The following SPIDR variants were observed in gnomAD, a reference collection of about 807,000 sequenced individuals.
SPIDR encodes scaffold protein involved in DNA repair.
SPIDR carries 93 observed loss-of-function variants against 104.6 expected under a neutral mutation model. The observed-to-expected ratio is 0.89, with a 90% CI of 0.75 to 1.06. The LOEUF is 1.06. Among genes scored for constraint, SPIDR ranks in the 50% least tolerant of loss-of-function variants. The probability of loss-of-function intolerance (pLI) is 0.00; values close to 1 mark genes in which losing one functional copy is unlikely to be tolerated. For missense variants in SPIDR, 1,154 were observed against 1,111.2 expected (o/e 1.04, Z -0.55); for synonymous variants, 431 against 416.9 (o/e 1.03, Z -0.41).
intron 8 of SPIDR, among the ~76,000 whole-genome samples, chr8:47,466,914 TAG>T (rs1328476341): frequency 0.13 from 15,069 of 115,692 alleles, 1,235 homozygotes; most frequent in South Asian, 0.21. Context: ...TATATATATA[TAG>T]ATAGATAGAT....
intron 11 of SPIDR, 32 bp from the exon 12 acceptor site, chr8:47,700,371 A>C (rs1401160602): frequency 2.5e-6 from 4 of 1,611,224 alleles, no homozygotes; most frequent in Non-Finnish European, 3.4e-6. Flanking sequence ...GGGATGTCTG[A>C]TGATGAATAC....
At chr8:47,726,391 T>G (rs1365499658) in intron 16 of SPIDR, among the ~76,000 whole-genome samples, 1 of 152,262 alleles carries the variant, frequency 6.6e-6, no homozygotes, top group East Asian at 1.9e-4. Context: ...TCTATTTTTC[T>G]AGAAACTCAG....
intron 8 of SPIDR, among the ~76,000 whole-genome samples, chr8:47,539,001 C>CA (rs2087540454): frequency 6.6e-6 from 1 of 151,488 alleles, no homozygotes; most frequent in Non-Finnish European, 1.5e-5. Flanking sequence ...GCTGGGATTA[C>CA]AGGCACCTGC....
At chr8:47,319,986 G>C (rs1311410995) in intron 5 of SPIDR, among the ~76,000 whole-genome samples, 1 of 150,642 alleles carries the variant, frequency 6.6e-6, no homozygotes, top group Non-Finnish European at 1.5e-5. Flanking sequence ...ATGCCCACAA[G>C]AGAAAGCAGG....
At chr8:47,617,762 A>G (rs2064535197) in intron 10 of SPIDR, among the ~76,000 whole-genome samples, 1 of 152,178 alleles carries the variant, frequency 6.6e-6, no homozygotes, top group Non-Finnish European at 1.5e-5. Flanking sequence ...AATAAAAGCC[A>G]CCTCCATAAT....
At chr8:47,342,980 G>C (rs1192330458) in intron 5 of SPIDR, among the ~76,000 whole-genome samples, 1 of 152,148 alleles carries the variant, frequency 6.6e-6, no homozygotes, top group Non-Finnish European at 1.5e-5. Context: ...TCATTATCTA[G>C]CTGTTCTAAC....
intron 1 of SPIDR, among the ~76,000 whole-genome samples, chr8:47,272,682 G>A (rs764020897): frequency 9.5e-4 from 144 of 152,202 alleles, no homozygotes; most frequent in Non-Finnish European, 1.6e-3. Context: ...GGGCACGTGC[G>A]TAGTGATGCA....
intron 3 of SPIDR, among the ~76,000 whole-genome samples, chr8:47,287,899 A>G (rs2039170854): frequency 6.6e-6 from 1 of 152,244 alleles, no homozygotes; most frequent in East Asian, 1.9e-4. Flanking sequence ...AGGCATAAGA[A>G]ATTATAAAAG....
At chr8:47,436,964 A>G (rs1444193165) in intron 7 of SPIDR, among the ~76,000 whole-genome samples, 1 of 152,196 alleles carries the variant, frequency 6.6e-6, no homozygotes, top group African/African-American at 2.4e-5. Context: ...CTATTTAGTC[A>G]CCACATGAGC....
chr8:47,689,194 G>A (rs1237563155), intron 11 of SPIDR, among the ~76,000 whole-genome samples: 1 of 152,172 alleles, frequency 6.6e-6, no homozygotes, highest in Admixed American at 6.5e-5. Flanking sequence ...GTATGTAACT[G>A]GACTTGTTTT....
chr8:47,642,270 G>T (rs2069196449), intron 10 of SPIDR, among the ~76,000 whole-genome samples: 1 of 152,052 alleles, frequency 6.6e-6, no homozygotes, highest in Non-Finnish European at 1.5e-5. Flanking sequence ...ACAAAAGTTA[G>T]CCGGGTGTGG....
rs587717594 is a variant in SPIDR at position 47,291,147 on chromosome 8, A to G, written c.361+10A>G. On this transcript the variant is annotated intron_variant, in intron 4 of 19. Coordinates refer to ENST00000297423, the MANE Select transcript of SPIDR (RefSeq NM_001080394.4). ...TCTCAGTTACAGAGAGGTAATGGAC[A>G]TTGCTCTAGAATAGACAGATTTTGT... The G allele has an allele frequency of 4.2e-5, 67 of 1,578,928 alleles. No homozygotes were observed. The African/African-American group carries it at 7.1e-4, about 17-fold the overall frequency.
intron 8 of SPIDR, among the ~76,000 whole-genome samples, chr8:47,476,279 C>T (rs147138511): frequency 1.2e-4 from 19 of 152,274 alleles, no homozygotes; most frequent in African/African-American, 4.3e-4. Flanking sequence ...AGAGCACTGG[C>T]ATTGGAGTGA....
Position 47,595,688 on chromosome 8 carries a change from G to A in SPIDR, c.1098-123G>A. The stretch of plus-strand genomic sequence containing the variant: ...CATGAAGGACAGCTGTGCCTCTGTG[G>A]GTGGGCTTGGCTTTAGCTGTCCATA... On this transcript the variant is annotated intron_variant, in intron 8 of 19. Transcript: ENST00000297423. 1.5e-5 allele frequency: 12 copies of A among 810,962 alleles called. 1 individual carries two copies. The South Asian group carries it at 1.9e-4, about 13-fold the overall frequency. The allele number at this position is 810,962 out of a possible 1,614,324, so 50.2% of individuals were successfully genotyped here.
intron 7 of SPIDR, among the ~76,000 whole-genome samples, chr8:47,431,495 T>C (rs2067356958): frequency 6.6e-6 from 1 of 152,234 alleles, no homozygotes; most frequent in African/African-American, 2.4e-5. Context: ...CCCACTCACC[T>C]TCCGAACAAG....
chr8:47,407,836 T>G lies in SPIDR; in HGVS notation c.777-25T>G, dbSNP rs1554668289. The G allele has an allele frequency of 4.2e-6, 6 of 1,442,286 alleles. No individual in the cohort carries two copies. Among genetic ancestry groups the G allele is most frequent in the Non-Finnish European group, 5.8e-6 (6 of 1,034,754 alleles). 89.3% of individuals were successfully genotyped at this position (1,442,286 alleles called of 1,614,324 possible). ...CTGAAGTTTTCCTTTTAACTAAACT[T>G]AATACATTATAATTCATTAAACAGA... On this transcript the variant is annotated intron_variant, in intron 6 of 19. Coordinates refer to ENST00000297423, the MANE Select transcript of SPIDR (RefSeq NM_001080394.4).
At chr8:47,280,979 G>A (rs1015901803) in intron 2 of SPIDR, among the ~76,000 whole-genome samples, 2 of 152,156 alleles carry the variant, frequency 1.3e-5, no homozygotes, top group Non-Finnish European at 2.9e-5. Context: ...CTCTGGAGGC[G>A]TACTCTGGAG....
At chr8:47,733,250 G>A (rs1238181256) in intron 19 of SPIDR, among the ~76,000 whole-genome samples, 1 of 152,138 alleles carries the variant, frequency 6.6e-6, no homozygotes, top group Non-Finnish European at 1.5e-5. Context: ...AGCCAGGCAT[G>A]GTGGTGCGCA....
At chr8:47,630,632 A>G (rs1563366622) in intron 10 of SPIDR, among the ~76,000 whole-genome samples, 1 of 152,206 alleles carries the variant, frequency 6.6e-6, no homozygotes, top group Non-Finnish European at 1.5e-5. Flanking sequence ...TGAGAAGCGT[A>G]GTTGGCCTTT....
Sources: allele counts gnomAD v4.1 joint callset (sites outside exome capture counted in the v4.1 genomes callset), GRCh38; gene constraint gnomAD v4.1.1; transcripts MANE v1.5; gene names NCBI Gene and HGNC (gene_info 2026-07-23, HGNC 2026-07-21).